The following EPHA6 variants were observed in gnomAD, a reference collection of about 807,000 sequenced individuals.
EPHA6 encodes EPH receptor A6, also known as ephrin type-A receptor 6.
Under a neutral mutation model 112.0 loss-of-function variants are expected in EPHA6, and 50 were observed. The ratio of observed to expected loss-of-function variants is 0.45; its 90% CI spans 0.36 to 0.56. The LOEUF is 0.56. Ranked by LOEUF, EPHA6 falls within the 20% of genes least tolerant of loss-of-function variation. The pLI, the probability that EPHA6 is intolerant of heterozygous loss-of-function variation, is 0.00. For synonymous variants in EPHA6, 529 were observed against 490.7 expected (o/e 1.08, Z -1.03); for missense variants, 1,280 against 1,417.4 (o/e 0.90, Z 1.56).
At chr3:97,659,888 C>CT (rs563219122) in intron 14 of EPHA6, among the ~76,000 whole-genome samples, 162 of 152,142 alleles carry the variant, frequency 1.1e-3, no homozygotes, top group African/African-American at 3.7e-3. Flanking sequence ...GCCTCCCATT[C>CT]TATCACCACC....
chr3:97,478,285 T>C (rs2091434149), intron 8 of EPHA6, among the ~76,000 whole-genome samples: 2 of 152,234 alleles, frequency 1.3e-5, no homozygotes, highest in Admixed American at 1.3e-4. Flanking sequence ...AAGCATTTCA[T>C]TAAGGCATCA....
intron 3 of EPHA6, among the ~76,000 whole-genome samples, chr3:97,081,919 A>G (rs969392689): frequency 1.3e-5 from 2 of 151,642 alleles, no homozygotes; most frequent in East Asian, 1.9e-4. Flanking sequence ...TTCAACTTGA[A>G]TGCAAATTTT....
chr3:96,852,478 G>A (rs1242064513), intron 1 of EPHA6, among the ~76,000 whole-genome samples: 1 of 151,842 alleles, frequency 6.6e-6, no homozygotes, highest in Non-Finnish European at 1.5e-5. Context: ...GACAGGATAA[G>A]GTCAAAATTG....
chr3:97,225,270 T>C (rs2078322001), intron 3 of EPHA6, among the ~76,000 whole-genome samples: 1 of 152,188 alleles, frequency 6.6e-6, no homozygotes, highest in Non-Finnish European at 1.5e-5. Context: ...GGGCTAATTA[T>C]TAACAGACCT....
chr3:97,701,373 G>A (rs2033377800), intron 14 of EPHA6, among the ~76,000 whole-genome samples: 1 of 152,072 alleles, frequency 6.6e-6, no homozygotes, highest in Non-Finnish European at 1.5e-5. Context: ...TCCATCTTGG[G>A]AGGATCAGAG....
At chr3:97,732,433 A>G (rs1481309841) in intron 15 of EPHA6, among the ~76,000 whole-genome samples, 1 of 151,984 alleles carries the variant, frequency 6.6e-6, no homozygotes, top group East Asian at 2.0e-4. Flanking sequence ...CTCAATAGTT[A>G]ATACATTTCT....
chr3:97,307,221 A>G (rs1180251071), intron 5 of EPHA6, among the ~76,000 whole-genome samples: 1 of 151,502 alleles, frequency 6.6e-6, no homozygotes, highest in African/African-American at 2.4e-5. Flanking sequence ...ATCCCCGCCC[A>G]CTCTTCTAGA....
At chr3:96,902,863 T>C (rs75756848) in intron 2 of EPHA6, among the ~76,000 whole-genome samples, 2,181 of 152,252 alleles carry the variant, frequency 0.014, 56 homozygotes, top group African/African-American at 0.049. Flanking sequence ...AACAAGCATA[T>C]ATTGAGTATT....
At chr3:96,851,230 G>T (rs964188045) in intron 1 of EPHA6, among the ~76,000 whole-genome samples, 2 of 152,086 alleles carry the variant, frequency 1.3e-5, no homozygotes, top group Non-Finnish European at 2.9e-5. Context: ...TTAAAAGAAG[G>T]TTATTTTATA....
At chr3:97,321,583 G>A (rs1361115843) in intron 5 of EPHA6, among the ~76,000 whole-genome samples, 1 of 151,904 alleles carries the variant, frequency 6.6e-6, no homozygotes, top group African/African-American at 2.4e-5. Flanking sequence ...GACAAATAGA[G>A]TTTTAAAAAC....
At chr3:97,305,341 A>G (rs534904977) in intron 5 of EPHA6, among the ~76,000 whole-genome samples, 40 of 152,140 alleles carry the variant, frequency 2.6e-4, no homozygotes, top group African/African-American at 8.9e-4. Flanking sequence ...CAGAAATACC[A>G]CTTGACCCAG....
At chr3:97,011,912 G>T (rs1231899799) in intron 3 of EPHA6, among the ~76,000 whole-genome samples, 1 of 152,088 alleles carries the variant, frequency 6.6e-6, no homozygotes, top group Admixed American at 6.6e-5. Flanking sequence ...AGTAAGTATG[G>T]TTTTCTGTTT....
rs544322395 is a variant in EPHA6, at chr3:97,104,084, A to T, written c.1114+116091A>T. On this transcript the variant is annotated intron_variant, in intron 3 of 17. Coordinates refer to ENST00000389672, the MANE Select transcript of EPHA6 (RefSeq NM_001080448.3). ...GGTTTTCTAGATATGGAATCATGTCATCTGAAAACAGGTATATTTTAACCT... is the reference window on the plus strand; with the variant it reads ...GGTTTTCTAGATATGGAATCATGTCTTCTGAAAACAGGTATATTTTAACCT... Among the ~76,000 whole-genome samples the T allele has an allele frequency of 2.0e-5, 3 of 152,226 alleles. No individual in the cohort carries two copies. The East Asian group carries it at 5.8e-4, about 29-fold the overall frequency.
At chr3:96,933,157 C>T (rs943275555) in intron 2 of EPHA6, among the ~76,000 whole-genome samples, 7 of 151,804 alleles carry the variant, frequency 4.6e-5, no homozygotes, top group East Asian at 1.9e-4. Flanking sequence ...TGGTTTGTTT[C>T]GAAATTAGCC....
chr3:96,861,981 A>C (rs948446541), intron 1 of EPHA6, among the ~76,000 whole-genome samples: 7 of 151,884 alleles, frequency 4.6e-5, no homozygotes, highest in African/African-American at 1.7e-4. Flanking sequence ...GTGTGAGGGT[A>C]GTTACCCATA....
chr3:96,851,306 G>A (rs1053366289), intron 1 of EPHA6, among the ~76,000 whole-genome samples: 1 of 152,082 alleles, frequency 6.6e-6, no homozygotes, highest in Non-Finnish European at 1.5e-5. Flanking sequence ...AATGTAAAGG[G>A]AATATAAACA....
intron 5 of EPHA6, among the ~76,000 whole-genome samples, chr3:97,386,012 C>T (rs1370712704): frequency 6.6e-6 from 1 of 152,074 alleles, no homozygotes; most frequent in Admixed American, 6.6e-5. Flanking sequence ...CACGTCATTC[C>T]ACCCTTGGCC....
chr3:97,602,472 G>T (rs927132007), intron 12 of EPHA6, among the ~76,000 whole-genome samples: 2 of 152,014 alleles, frequency 1.3e-5, no homozygotes, highest in African/African-American at 4.8e-5. Flanking sequence ...CAAATTACTA[G>T]TGGAGACAAG....
At chr3:96,927,807 A>G (rs1273623779) in intron 2 of EPHA6, among the ~76,000 whole-genome samples, 1 of 152,194 alleles carries the variant, frequency 6.6e-6, no homozygotes, top group Non-Finnish European at 1.5e-5. Flanking sequence ...TCCGGGTACC[A>G]ATTTCCTGTA....
Sources: gnomAD v4.1 joint callset for allele counts (sites outside exome capture counted in the v4.1 genomes callset) on GRCh38, gnomAD v4.1.1 for gene constraint, MANE v1.5 for transcripts, NCBI Gene and HGNC (gene_info 2026-07-23, HGNC 2026-07-21) for gene names.